Variants in SLC9A7 observed in about 807,000 individuals in gnomAD.
SLC9A7 encodes the protein sodium/hydrogen exchanger 7.
Under a neutral mutation model 52.6 loss-of-function variants are expected in SLC9A7, and 19 were observed. That is an observed-to-expected ratio of 0.36 (90% CI 0.25 to 0.53). The LOEUF (loss-of-function observed/expected upper bound fraction) is 0.53. Ranked by LOEUF, SLC9A7 falls within the 20% of genes least tolerant of loss-of-function variation. SLC9A7 has a pLI of 0.91. For missense variants in SLC9A7, 455 were observed against 597.9 expected, an observed-to-expected ratio of 0.76 and a Z score of 2.49; for synonymous variants, 226 against 252.1, an observed-to-expected ratio of 0.90 and a Z score of 0.98.
At chrX:46,721,063 TA>T in intron 1 of SLC9A7, among the ~76,000 whole-genome samples, 1 of 112,182 alleles carries the variant, frequency 8.9e-6, no homozygotes, top group African/African-American at 3.2e-5. Flanking sequence ...TCCTTATACA[TA>T]TAACTACATT....
At chrX:46,734,391 C>G (rs181965065) in intron 1 of SLC9A7, among the ~76,000 whole-genome samples, 1 of 111,883 alleles carries the variant, frequency 8.9e-6, no homozygotes, top group East Asian at 2.8e-4. Flanking sequence ...CGGAAAGACC[C>G]TTCATCATAA....
At chrX:46,692,167 CA>C (rs1325999351) in intron 1 of SLC9A7, among the ~76,000 whole-genome samples, 2 of 111,175 alleles carry the variant, frequency 1.8e-5, no homozygotes, top group Non-Finnish European at 3.8e-5. Flanking sequence ...TAAAAATTCC[CA>C]TTAAAATGGG....
chrX:46,706,018 G>A (rs1383623869), intron 1 of SLC9A7, among the ~76,000 whole-genome samples: 4 of 108,949 alleles, frequency 3.7e-5, no homozygotes, highest in African/African-American at 1.3e-4. Context: ...ACCAAATGCT[G>A]TTGGAGGGCC....
At chrX:46,615,427 A>G (rs1376633724) in intron 15 of SLC9A7, among the ~76,000 whole-genome samples, 2 of 110,595 alleles carry the variant, frequency 1.8e-5, no homozygotes, top group African/African-American at 3.3e-5. Context: ...CGCTCCTCCA[A>G]TTTGGGAAGA....
intron 1 of SLC9A7, among the ~76,000 whole-genome samples, chrX:46,748,544 AGTGTGT>A (rs200266669): frequency 5.3e-5 from 5 of 94,419 alleles, no homozygotes; most frequent in African/African-American, 1.9e-4. Flanking sequence ...ATAAATGTGG[AGTGTGT>A]GTGTGTGTGT....
At chrX:46,710,760 A>G (rs1944675350) in intron 1 of SLC9A7, among the ~76,000 whole-genome samples, 1 of 105,134 alleles carries the variant, frequency 9.5e-6, no homozygotes, top group Non-Finnish European at 1.9e-5. Context: ...CAGCAAGGAG[A>G]TGGACCCATC....
At chrX:46,677,954 C>T (rs1487672823) in intron 3 of SLC9A7, among the ~76,000 whole-genome samples, 1 of 112,109 alleles carries the variant, frequency 8.9e-6, no homozygotes, top group Non-Finnish European at 1.9e-5. Flanking sequence ...TTGTCCATTT[C>T]ACCTGGGTTG....
intron 1 of SLC9A7, among the ~76,000 whole-genome samples, chrX:46,729,222 T>C (rs1028997240): frequency 8.9e-6 from 1 of 112,208 alleles, no homozygotes; most frequent in Admixed American, 9.4e-5. Context: ...AAGAGTGCAA[T>C]AATTAAATAA....
At chrX:46,738,080 AAAG>A (rs1945157225) in intron 1 of SLC9A7, among the ~76,000 whole-genome samples, 1 of 76,131 alleles carries the variant, frequency 1.3e-5, no homozygotes, top group African/African-American at 3.7e-5. Context: ...AGAAAGAAAG[AAAG>A]AAAGAAAGAA....
At chrX:46,676,188 T>C (rs1384016829) in intron 3 of SLC9A7, among the ~76,000 whole-genome samples, 1 of 111,241 alleles carries the variant, frequency 9.0e-6, no homozygotes, top group Non-Finnish European at 1.9e-5. Flanking sequence ...AGTCCCAGAC[T>C]TGTGACAGGT....
At chrX:46,725,846 ACTGG>A (rs2146967255) in intron 1 of SLC9A7, 2 of 529,465 alleles carry the variant, frequency 3.8e-6, no homozygotes, top group South Asian at 4.9e-5. Flanking sequence ...AAACCCAAAC[ACTGG>A]AGCAAAACCA....
chrX:46,672,126 G>A (rs909546219), intron 4 of SLC9A7, among the ~76,000 whole-genome samples: 2 of 111,749 alleles, frequency 1.8e-5, no homozygotes, highest in African/African-American at 6.5e-5. Flanking sequence ...ATTGTGGGGC[G>A]GCTTTGACCA....
intron 4 of SLC9A7, among the ~76,000 whole-genome samples, chrX:46,671,427 ATTTTTTTTT>A (rs567014139): frequency 1.0e-5 from 1 of 99,207 alleles, no homozygotes; most frequent in Non-Finnish European, 2.1e-5. Context: ...CTCCCGGCTA[ATTTTTTTTT>A]TTTTTTGGAT....
At chrX:46,724,024 C>A (rs1471304174) in intron 1 of SLC9A7, among the ~76,000 whole-genome samples, 1 of 112,345 alleles carries the variant, frequency 8.9e-6, no homozygotes, top group Admixed American at 9.4e-5. Context: ...ACCTAGGAGG[C>A]AGAGGTTGTA....
chrX:46,742,202 T>G (rs1228461291), intron 1 of SLC9A7, among the ~76,000 whole-genome samples: 1 of 111,538 alleles, frequency 9.0e-6, no homozygotes, highest in African/African-American at 3.3e-5. Flanking sequence ...AGAAAACAGT[T>G]CGGCAGGTTT....
intron 1 of SLC9A7, among the ~76,000 whole-genome samples, chrX:46,709,661 G>A (rs1944659114): frequency 9.0e-6 from 1 of 111,610 alleles, no homozygotes; most frequent in Non-Finnish European, 1.9e-5. Context: ...GCACTAAAGG[G>A]GATATGCCAG....
At position 46,740,357 on chromosome X, in the gene SLC9A7, G is replaced by A. The variant is rs1437877479; in HGVS notation, c.325+18348C>T. On this transcript the variant is annotated intron_variant, in intron 1 of 16. Transcript: ENST00000616978. ...CGCCATTCCTATTCAACATTGTACT[G>A]AAATTCCTGACCAGAGCAATCAGAA... is the stretch of plus-strand genomic sequence containing the variant. 2.7e-5 allele frequency among the ~76,000 whole-genome samples: 3 copies of A among 111,174 alleles called. No homozygotes were observed. The East Asian group carries it at 8.4e-4, about 31-fold the overall frequency.
chrX:46,748,552 T>C (rs1478299638), intron 1 of SLC9A7, among the ~76,000 whole-genome samples: 1 of 63,742 alleles, frequency 1.6e-5, no homozygotes, highest in Non-Finnish European at 3.1e-5. Context: ...GGAGTGTGTG[T>C]GTGTGTGTGC....
intron 14 of SLC9A7, among the ~76,000 whole-genome samples, chrX:46,625,733 A>AG (rs1943117437): frequency 9.2e-6 from 1 of 109,049 alleles, no homozygotes. Flanking sequence ...AAAAAAAAAA[A>AG]AGGACATGGA....
Sources: gnomAD v4.1 joint callset for allele counts (sites outside exome capture counted in the v4.1 genomes callset) on GRCh38, gnomAD v4.1.1 for gene constraint, MANE v1.5 for transcripts, NCBI Gene and HGNC (gene_info 2026-07-23, HGNC 2026-07-21) for gene names.